The following SSBP2 variants were observed in gnomAD, a reference collection of about 807,000 sequenced individuals.
The protein encoded by SSBP2 is single-stranded DNA-binding protein 2.
Under a neutral mutation model 61.8 loss-of-function variants are expected in SSBP2, and 17 were observed. The ratio of observed to expected loss-of-function variants is 0.28; its 90% CI spans 0.19 to 0.41. The LOEUF is 0.41. Ranked by LOEUF, SSBP2 falls within the 10% of genes least tolerant of loss-of-function variation. The pLI is 1.00. For missense variants in SSBP2, 310 were observed against 458.7 expected (o/e 0.68, Z 2.96); for synonymous variants, 139 against 141.3 (o/e 0.98, Z 0.12).
In SSBP2 at chr5:81,417,743, C is replaced by T. The variant is rs1259154784; in HGVS notation, c.*2761G>A. On this transcript the variant is annotated 3_prime_UTR_variant, in exon 17 of 17. Coordinates refer to ENST00000320672, the MANE Select transcript of SSBP2 (RefSeq NM_012446.5). ...TGGATATAAAAATCAAGTATCCTTA[C>T]ATTCTGGGTTTCTTGGATACAATTT... 6.6e-6 allele frequency: 1 copy of T among 152,108 alleles called. No homozygotes were observed. Among genetic ancestry groups the T allele is most frequent in the Non-Finnish European group, 1.5e-5 (1 of 67,998 alleles). 9.4% of individuals were successfully genotyped at this position (152,108 alleles called of 1,614,324 possible).
At chr5:81,522,069 A>G (rs1769533088) in intron 4 of SSBP2, among the ~76,000 whole-genome samples, 1 of 152,078 alleles carries the variant, frequency 6.6e-6, no homozygotes, top group African/African-American at 2.4e-5. Flanking sequence ...CTGAACGGTG[A>G]GAAAAACAGT....
At chr5:81,448,735 C>A in intron 11 of SSBP2, 55 bp downstream of exon 11, 1 of 1,539,492 alleles carries the variant, frequency 6.5e-7, no homozygotes, top group East Asian at 2.3e-5. Flanking sequence ...TGTTTCATTG[C>A]CCAAATAAAA....
intron 4 of SSBP2, among the ~76,000 whole-genome samples, chr5:81,526,296 C>T (rs949204995): frequency 6.6e-6 from 1 of 151,958 alleles, no homozygotes; most frequent in African/African-American, 2.4e-5. Flanking sequence ...TCAAAAACTT[C>T]TTAAATTTTA....
At chr5:81,733,077 T>G (rs1756372533) in intron 1 of SSBP2, among the ~76,000 whole-genome samples, 1 of 152,220 alleles carries the variant, frequency 6.6e-6, no homozygotes, top group South Asian at 2.1e-4. Flanking sequence ...AGTTCTAAAA[T>G]ATTTCAATAA....
intron 4 of SSBP2, among the ~76,000 whole-genome samples, chr5:81,542,222 C>T (rs1771330258): frequency 6.6e-6 from 1 of 152,128 alleles, no homozygotes; most frequent in South Asian, 2.1e-4. Flanking sequence ...GAGATACCAT[C>T]TCACCCAGTG....
At chr5:81,568,167 T>C (rs1773576473) in intron 4 of SSBP2, among the ~76,000 whole-genome samples, 1 of 152,144 alleles carries the variant, frequency 6.6e-6, no homozygotes, top group South Asian at 2.1e-4. Context: ...TTTGGCTGTG[T>C]CCCTACCCAA....
chr5:81,514,994 TTC>T (rs1158253234), intron 4 of SSBP2, among the ~76,000 whole-genome samples: 3 of 152,008 alleles, frequency 2.0e-5, no homozygotes, highest in Non-Finnish European at 4.4e-5. Context: ...GGATCTATTA[TTC>T]TAAGAAAAAC....
intron 4 of SSBP2, among the ~76,000 whole-genome samples, chr5:81,551,994 T>TCGGCTC: frequency 6.6e-6 from 1 of 152,212 alleles, no homozygotes; most frequent in Non-Finnish European, 1.5e-5. Context: ...AAGGTATCAG[T>TCGGCTC]GTATCAACTC....
At chr5:81,538,266 A>T (rs114041978) in intron 4 of SSBP2, among the ~76,000 whole-genome samples, 1,840 of 152,346 alleles carry the variant, frequency 0.012, 27 homozygotes, top group African/African-American at 0.033. Flanking sequence ...AACCAGCCAC[A>T]ACATTTCCTT....
At chr5:81,441,680 A>G (rs1238389383) in intron 13 of SSBP2, among the ~76,000 whole-genome samples, 1 of 152,218 alleles carries the variant, frequency 6.6e-6, no homozygotes, top group Non-Finnish European at 1.5e-5. Flanking sequence ...CACCATGGGC[A>G]ATACAAACCA....
At chr5:81,742,287 C>G (rs1757075447) in intron 1 of SSBP2, among the ~76,000 whole-genome samples, 1 of 152,012 alleles carries the variant, frequency 6.6e-6, no homozygotes, top group African/African-American at 2.4e-5. Context: ...TTCCATAGTC[C>G]TGAAATTCAA....
At chr5:81,576,835 GTTTTTT>G (rs997160010) in intron 4 of SSBP2, among the ~76,000 whole-genome samples, 1 of 152,030 alleles carries the variant, frequency 6.6e-6, no homozygotes. Flanking sequence ...AGTTCAGGGT[GTTTTTT>G]AAAAGTACAG....
intron 6 of SSBP2, among the ~76,000 whole-genome samples, chr5:81,484,065 A>G (rs939380047): frequency 1.3e-5 from 2 of 152,096 alleles, no homozygotes; most frequent in Non-Finnish European, 2.9e-5. Context: ...TTTGTCCACC[A>G]ATGTATCCCC....
rs1561397221 is a variant in SSBP2, at chr5:81,437,460, T to C, written c.929-2A>G. 1 of 1,603,296 alleles carries C rather than the reference T, an allele frequency of 6.2e-7. No homozygotes were observed. The highest frequency in any genetic ancestry group is 8.5e-7 in the Non-Finnish European group (1 of 1,176,724). On this transcript the variant is annotated splice_acceptor_variant, in intron 14 of 16. Transcript: ENST00000320672. LOFTEE classifies it high-confidence loss of function. ...AAATACTGTCCATATCTCCTGAGCC[T>C]GAAACAAAATATAAAAAGAAAGCCT...
chr5:81,669,584 T>A (rs116431829), intron 1 of SSBP2, among the ~76,000 whole-genome samples: 4,328 of 152,126 alleles, frequency 0.028, 168 homozygotes, highest in African/African-American at 0.096. Flanking sequence ...TTCTCACTCA[T>A]AACTGGGAGC....
At chr5:81,471,103 T>G (rs1261528288) in intron 8 of SSBP2, among the ~76,000 whole-genome samples, 1 of 151,864 alleles carries the variant, frequency 6.6e-6, no homozygotes, top group East Asian at 1.9e-4. Context: ...ATTTCTGAGG[T>G]AAATTCATAC....
intron 4 of SSBP2, among the ~76,000 whole-genome samples, chr5:81,566,537 C>A (rs1773438016): frequency 1.3e-5 from 2 of 152,276 alleles, no homozygotes; most frequent in South Asian, 4.1e-4. Context: ...GTCCAATTAA[C>A]CCTCTTTCTC....
chr5:81,536,603 C>A (rs1580951127), intron 4 of SSBP2, among the ~76,000 whole-genome samples: 1 of 152,266 alleles, frequency 6.6e-6, no homozygotes, highest in East Asian at 1.9e-4. Context: ...AAAGCTTGCA[C>A]ATAGATGTTT....
intron 4 of SSBP2, among the ~76,000 whole-genome samples, chr5:81,546,068 C>T (rs1771708887): frequency 6.6e-6 from 1 of 152,070 alleles, no homozygotes; most frequent in African/African-American, 2.4e-5. Context: ...TAAGTACAAG[C>T]CTGGCTGATC....
Sources: gnomAD v4.1 joint callset for allele counts (sites outside exome capture counted in the v4.1 genomes callset) on GRCh38, gnomAD v4.1.1 for gene constraint, MANE v1.5 for transcripts, NCBI Gene and HGNC (gene_info 2026-07-23, HGNC 2026-07-21) for gene names.